LUC7L: variants seen among roughly 807,000 people sequenced by gnomAD.
LUC7L encodes putative RNA-binding protein Luc7-like 1.
A neutral mutation model predicts 51.1 loss-of-function variants in LUC7L; 29 were observed. The ratio of observed to expected loss-of-function variants is 0.57; its 90% confidence interval spans 0.42 to 0.77. The LOEUF (loss-of-function observed/expected upper bound fraction) is 0.77, where lower values mean the gene tolerates loss of function less well. LUC7L is among the 30% of genes least tolerant of loss of function. LUC7L has a pLI of 0.00. For missense variants in LUC7L, 403 were observed against 511.9 expected, an observed-to-expected ratio of 0.79 and a Z score of 2.05; for synonymous variants, 181 against 180.7, an observed-to-expected ratio of 1.00 and a Z score of -0.01.
rs577297178 is a variant in LUC7L, at chr16:219,554, G to A, written c.255+1095C>T. On this transcript the variant is annotated intron_variant, in intron 3 of 9. Transcript: ENST00000293872. ...TAATCATGCTGCTGCACTCCAGCCT[G>A]GGCAACAGAGTGAAACTCTGTATCA... 7.2e-5 allele frequency among the ~76,000 whole-genome samples: 11 copies of A among 152,112 alleles called. No homozygotes were observed. The East Asian group carries it at 2.1e-3, about 29-fold the overall frequency.
At chr16:219,877 A>G (rs997631277) in intron 3 of LUC7L, among the ~76,000 whole-genome samples, 1 of 152,188 alleles carries the variant, frequency 6.6e-6, no homozygotes. Context: ...CTCAAAAAAA[A>G]AAAAAGAATT....
At position 193,962 on chromosome 16, in the gene LUC7L, C is replaced by A. The variant is rs551469795; in HGVS notation, c.688-947G>T. On this transcript the variant is annotated intron_variant, in intron 6 of 9. Coordinates refer to ENST00000293872, the MANE Select transcript of LUC7L (RefSeq NM_201412.3). ...GGGATTACAGGCGCCCGGCACTGCGCCCGGCTAATTTTTTGTATTTTTAGT... is the reference window on the plus strand; with the variant it reads ...GGGATTACAGGCGCCCGGCACTGCGACCGGCTAATTTTTTGTATTTTTAGT... Among the ~76,000 whole-genome samples the A allele has an allele frequency of 2.5e-3, 387 of 151,860 alleles. 1 individual carries two copies. The highest frequency in any genetic ancestry group is 3.9e-3 in the Non-Finnish European group (262 of 67,966).
intron 5 of LUC7L, among the ~76,000 whole-genome samples, chr16:201,140 G>C (rs1192031543): frequency 7.7e-6 from 1 of 130,666 alleles, no homozygotes; most frequent in East Asian, 2.4e-4. Context: ...CAGCAATCCA[G>C]CCTGGGCGAC....
intron 3 of LUC7L, among the ~76,000 whole-genome samples, chr16:216,229 C>T (rs1191620027): frequency 4.0e-5 from 6 of 151,860 alleles, no homozygotes; most frequent in African/African-American, 1.2e-4. Flanking sequence ...CTCGAACTCC[C>T]GACCTCAGGT....
chr16:229,161 A>C, intron 1 of LUC7L, 118 bp downstream of exon 1: 1 of 1,442,936 alleles, frequency 6.9e-7, no homozygotes, highest in Non-Finnish European at 9.0e-7. Context: ...GCGGGGGAGG[A>C]GGAGCGATGC....
intron 1 of LUC7L, chr16:228,211 A>T (rs2050177468): frequency 7.8e-7 from 1 of 1,285,556 alleles, no homozygotes; most frequent in Non-Finnish European, 1.0e-6. Context: ...GCAAGCATCC[A>T]GGATTAATGT....
chr16:219,878 A>AG, intron 3 of LUC7L, among the ~76,000 whole-genome samples: 1 of 152,284 alleles, frequency 6.6e-6, no homozygotes, highest in East Asian at 1.9e-4. Flanking sequence ...TCAAAAAAAA[A>AG]AAAAGAATTT....
intron 3 of LUC7L, among the ~76,000 whole-genome samples, chr16:210,990 G>A (rs1020996216): frequency 2.0e-5 from 3 of 150,494 alleles, no homozygotes; most frequent in Admixed American, 6.7e-5. Flanking sequence ...GGTAGAGCTT[G>A]CAGTGAGCAG....
intron 7 of LUC7L, among the ~76,000 whole-genome samples, chr16:191,863 A>G (rs957290314): frequency 1.3e-5 from 2 of 152,164 alleles, no homozygotes; most frequent in African/African-American, 4.8e-5. Flanking sequence ...CACAATAAAC[A>G]TTCGCCCTGA....
chr16:197,885 C>A (rs1486428404), intron 6 of LUC7L, among the ~76,000 whole-genome samples: 1 of 152,084 alleles, frequency 6.6e-6, no homozygotes, highest in Non-Finnish European at 1.5e-5. Flanking sequence ...TCCTAGTATG[C>A]GGTAAGGGGG....
chr16:226,525 G>C (rs907414353), intron 2 of LUC7L, among the ~76,000 whole-genome samples: 1 of 152,108 alleles, frequency 6.6e-6, no homozygotes, highest in South Asian at 2.1e-4. Context: ...ATATTCATTA[G>C]ATAGCATGTT....
chr16:229,216 C>A lies in LUC7L; in HGVS notation c.61+63G>T, dbSNP rs1442261763. On this transcript the variant is annotated intron_variant, in intron 1 of 9. Coordinates refer to ENST00000293872, the MANE Select transcript of LUC7L (RefSeq NM_201412.3). ...AGACGATCGCGGCCCCCGCCTCAGG[C>A]CGCCCGGCGGCCTCGCCTCACTCCC... The A allele has an allele frequency of 2.0e-6, 3 of 1,510,334 alleles. No homozygotes were observed. In the South Asian group the frequency reaches 3.7e-5, roughly 19 times the overall value. 93.6% of individuals were successfully genotyped at this position (1,510,334 alleles called of 1,614,324 possible). A position where few individuals can be genotyped will look rare whatever the true frequency, so the allele number is the denominator to read the frequency against.
At chr16:192,661 C>T (rs745906154) in intron 7 of LUC7L, among the ~76,000 whole-genome samples, 73 of 152,152 alleles carry the variant, frequency 4.8e-4, no homozygotes, top group Non-Finnish European at 9.3e-4. Flanking sequence ...TGCCAGCACG[C>T]CCAGCTAATT....
chr16:212,884 C>T (rs2049684581), intron 3 of LUC7L, among the ~76,000 whole-genome samples: 1 of 151,844 alleles, frequency 6.6e-6, no homozygotes, highest in African/African-American at 2.4e-5. Flanking sequence ...TTCAAACCAT[C>T]CTTCCACCTC....
At chr16:225,938 C>T (rs1282017797) in intron 2 of LUC7L, among the ~76,000 whole-genome samples, 2 of 152,208 alleles carry the variant, frequency 1.3e-5, no homozygotes, top group African/African-American at 2.4e-5. Flanking sequence ...GCACATCTAT[C>T]TGCTCCCTCT....
At chr16:193,066 T>G in intron 6 of LUC7L, 51 bp from the exon 7 acceptor site, 6 of 1,400,232 alleles carry the variant, frequency 4.3e-6, no homozygotes. Context: ...CAAACCAGAG[T>G]GTGAATGCTA....
chr16:189,357 G>A lies in LUC7L; in HGVS notation c.975-18C>T, dbSNP rs754153455. The A allele has an allele frequency of 6.2e-7, 1 of 1,601,040 alleles. No individual in the cohort carries two copies. The highest frequency in any genetic ancestry group is 8.5e-7 in the Non-Finnish European group (1 of 1,175,030). ...TGGAGAACCTGGGAAATGGGAACCA[G>A]AGGCTCAGTGGAGGCTGCTGCCCCC... On this transcript the variant is annotated intron_variant, in intron 9 of 9. Transcript: ENST00000293872.
intron 1 of LUC7L, chr16:228,841 G>C: frequency 7.7e-7 from 1 of 1,294,078 alleles, no homozygotes; most frequent in East Asian, 5.6e-5. Flanking sequence ...GAACCAGAGC[G>C]GGCCAGGTTT....
At chr16:195,492 C>T (rs753259483) in intron 6 of LUC7L, among the ~76,000 whole-genome samples, 2 of 152,108 alleles carry the variant, frequency 1.3e-5, no homozygotes, top group African/African-American at 2.4e-5. Flanking sequence ...GTCGTGATCA[C>T]AGTTCACTGC....
Sources: allele counts gnomAD v4.1 joint callset (sites outside exome capture counted in the v4.1 genomes callset), GRCh38; gene constraint gnomAD v4.1.1; transcripts MANE v1.5; gene names NCBI Gene and HGNC (gene_info 2026-07-23, HGNC 2026-07-21).